FAM13A: variants seen among roughly 807,000 people sequenced by gnomAD.
FAM13A encodes family with sequence similarity 13 member A.
FAM13A carries 76 observed loss-of-function variants against 129.6 expected under a neutral mutation model. The observed-to-expected ratio is 0.59, with a 90% CI of 0.49 to 0.71. FAM13A has a LOEUF of 0.71. Among genes scored for constraint, FAM13A ranks in the 30% least tolerant of loss-of-function variants. The pLI is 0.00. For synonymous variants in FAM13A, 443 were observed against 449.9 expected, an observed-to-expected ratio of 0.98 and a Z score of 0.20; for missense variants, 1,108 against 1,249.3, an observed-to-expected ratio of 0.89 and a Z score of 1.70.
intron 6 of FAM13A, among the ~76,000 whole-genome samples, chr4:88,886,217 G>A (rs558776038): frequency 2.0e-5 from 3 of 152,292 alleles, no homozygotes; most frequent in African/African-American, 7.2e-5. Context: ...ACTTCCACAC[G>A]CATGTTTATA....
chr4:88,747,112 C>T (rs1003208034), intron 18 of FAM13A, 97 bp from the exon 19 acceptor site: 1 of 829,052 alleles, frequency 1.2e-6, no homozygotes. Flanking sequence ...CTAAAAAGAA[C>T]CCTCATATAA....
intron 4 of FAM13A, among the ~76,000 whole-genome samples, chr4:88,950,404 A>C (rs959939974): frequency 6.6e-6 from 1 of 152,170 alleles, no homozygotes; most frequent in Non-Finnish European, 1.5e-5. Context: ...TTTAATTGAT[A>C]TTTAATTGTG....
intron 13 of FAM13A, among the ~76,000 whole-genome samples, chr4:88,762,134 A>G (rs1184565722): frequency 6.6e-6 from 1 of 152,182 alleles, no homozygotes; most frequent in African/African-American, 2.4e-5. Flanking sequence ...AGGAAGAAAG[A>G]AGACAAGTGA....
At chr4:89,006,535 G>A (rs747778176) in intron 3 of FAM13A, among the ~76,000 whole-genome samples, 6 of 152,172 alleles carry the variant, frequency 3.9e-5, no homozygotes, top group African/African-American at 4.8e-5. Flanking sequence ...GGGCCAGAGC[G>A]AGCACTTTTG....
intron 6 of FAM13A, among the ~76,000 whole-genome samples, chr4:88,873,283 T>G (rs1238615574): frequency 2.6e-5 from 4 of 151,920 alleles, no homozygotes; most frequent in African/African-American, 7.3e-5. Flanking sequence ...AAGAAATAAC[T>G]AAAATCAGAG....
chr4:88,938,325 C>T lies in FAM13A; in HGVS notation c.606-84G>A, dbSNP rs1754171032. The T allele has an allele frequency of 3.7e-6, 4 of 1,074,814 alleles. No homozygotes were observed. In the East Asian group the frequency reaches 7.4e-5, roughly 20 times the overall value. 66.6% of individuals were successfully genotyped at this position (1,074,814 alleles called of 1,614,324 possible). A position where few individuals can be genotyped will look rare whatever the true frequency, so the allele number is the denominator to read the frequency against. On this transcript the variant is annotated intron_variant, in intron 4 of 23. Transcript: ENST00000264344. Reference sequence around the variant, plus strand: ...CTGACTCAGACTTGTATTTTGAAATCTCCTGAATAATTAGCCTTATAGGGA... The same window carrying T: ...CTGACTCAGACTTGTATTTTGAAATTTCCTGAATAATTAGCCTTATAGGGA...
intron 5 of FAM13A, among the ~76,000 whole-genome samples, chr4:88,925,928 A>G (rs1752075163): frequency 6.6e-6 from 1 of 152,078 alleles, no homozygotes; most frequent in Non-Finnish European, 1.5e-5. Flanking sequence ...TGGAGGGGGT[A>G]GTATTTGAGA....
At chr4:88,970,223 A>T (rs752336517) in intron 4 of FAM13A, among the ~76,000 whole-genome samples, 1 of 152,202 alleles carries the variant, frequency 6.6e-6, no homozygotes, top group African/African-American at 2.4e-5. Flanking sequence ...ATAAAACTTA[A>T]ATGAGTAACT....
chr4:88,910,392 G>A (rs2150251960), intron 5 of FAM13A, among the ~76,000 whole-genome samples: 1 of 152,138 alleles, frequency 6.6e-6, no homozygotes, highest in South Asian at 2.1e-4. Flanking sequence ...AACTACTAAT[G>A]ACATTTAAAA....
intron 8 of FAM13A, among the ~76,000 whole-genome samples, chr4:88,796,402 G>A (rs146833340): frequency 0.011 from 1,693 of 152,028 alleles, 17 homozygotes; most frequent in Middle Eastern, 0.02. Flanking sequence ...TTATAAAGTA[G>A]CAGAAATGCT....
chr4:88,826,312 T>TAA (rs35488589), intron 7 of FAM13A, among the ~76,000 whole-genome samples: 3 of 138,926 alleles, frequency 2.2e-5, no homozygotes, highest in Non-Finnish European at 1.6e-5. Flanking sequence ...CACGTAGGAT[T>TAA]AAAAAAAAAA....
chr4:88,892,130 A>G (rs1343414691), intron 6 of FAM13A, among the ~76,000 whole-genome samples: 2 of 146,948 alleles, frequency 1.4e-5, no homozygotes, highest in Non-Finnish European at 3.0e-5. Context: ...GCTAAGATTG[A>G]GCTGCTGCAC....
At chr4:89,000,543 T>G (rs1302568397) in intron 3 of FAM13A, among the ~76,000 whole-genome samples, 2 of 151,932 alleles carry the variant, frequency 1.3e-5, no homozygotes, top group Non-Finnish European at 2.9e-5. Flanking sequence ...GAATGGGGAG[T>G]GACTGCTAAT....
intron 4 of FAM13A, among the ~76,000 whole-genome samples, chr4:88,960,415 A>G (rs1758417419): frequency 6.6e-6 from 1 of 152,248 alleles, no homozygotes; most frequent in African/African-American, 2.4e-5. Flanking sequence ...AGGTTCAATT[A>G]CAAAACAATA....
intron 7 of FAM13A, among the ~76,000 whole-genome samples, chr4:88,849,589 T>C (rs1737209591): frequency 1.3e-5 from 2 of 152,210 alleles, no homozygotes; most frequent in South Asian, 4.1e-4. Context: ...ATTAAACTGT[T>C]ATAATTTCTT....
At chr4:88,866,592 A>G (rs1740498234) in intron 6 of FAM13A, among the ~76,000 whole-genome samples, 1 of 152,202 alleles carries the variant, frequency 6.6e-6, no homozygotes, top group Non-Finnish European at 1.5e-5. Flanking sequence ...AACTTTTCAA[A>G]TATGCACAGT....
At chr4:88,767,217 T>TATA (rs1355675587) in intron 13 of FAM13A, among the ~76,000 whole-genome samples, 1 of 152,232 alleles carries the variant, frequency 6.6e-6, no homozygotes, top group African/African-American at 2.4e-5. Flanking sequence ...TCACTACCTA[T>TATA]ATATTTCAAT....
chr4:88,980,174 C>T, intron 4 of FAM13A, among the ~76,000 whole-genome samples: 1 of 152,126 alleles, frequency 6.6e-6, no homozygotes, highest in East Asian at 1.9e-4. Context: ...ATTATCCCAT[C>T]TTTAGTCATG....
intron 14 of FAM13A, among the ~76,000 whole-genome samples, chr4:88,751,362 C>A (rs1742578953): frequency 6.6e-6 from 1 of 152,172 alleles, no homozygotes; most frequent in East Asian, 1.9e-4. Context: ...TAAGGAACCA[C>A]ATCAATCTTG....
Sources: gnomAD v4.1 joint callset for allele counts (sites outside exome capture counted in the v4.1 genomes callset) on GRCh38, gnomAD v4.1.1 for gene constraint, MANE v1.5 for transcripts, NCBI Gene and HGNC (gene_info 2026-07-23, HGNC 2026-07-21) for gene names.